Variants in GPR157 observed in about 807,000 individuals in gnomAD.
GPR157 encodes G protein-coupled receptor 157.
Under a neutral mutation model 23.5 loss-of-function variants are expected in GPR157, and 16 were observed. The ratio of observed to expected loss-of-function variants is 0.68; its 90% confidence interval spans 0.46 to 1.04. The LOEUF (loss-of-function observed/expected upper bound fraction) is 1.04. Among genes scored for constraint, GPR157 ranks in the 50% least tolerant of loss-of-function variants. GPR157 has a pLI of 0.00. For missense variants in GPR157, 440 were observed against 460.7 expected (o/e 0.96, Z 0.41); for synonymous variants, 200 against 221.5 (o/e 0.90, Z 0.86).
chr1:9,111,025 G>A (rs914780792), intron 2 of GPR157: 5 of 549,452 alleles, frequency 9.1e-6, no homozygotes, highest in African/African-American at 7.6e-5. Flanking sequence ...GCTAAGCCTC[G>A]TTTCCTTATC....
intron 1 of GPR157, among the ~76,000 whole-genome samples, chr1:9,123,678 AAT>A (rs1256949659): frequency 1.7e-5 from 2 of 116,892 alleles, no homozygotes; most frequent in African/African-American, 6.9e-5. Flanking sequence ...TTTAATATTA[AAT>A]ATATATTTAA....
rs1319818482 is a variant in GPR157 at position 9,102,817 on chromosome 1, T to TG, written c.*1601_*1602insC. 6.6e-6 allele frequency: 1 copy of TG among 152,244 alleles called. No homozygotes were observed. The highest frequency in any genetic ancestry group is 2.4e-5 in the African/African-American group (1 of 41,468). 9.4% of individuals were successfully genotyped at this position (152,244 alleles called of 1,614,324 possible). A position where few individuals can be genotyped will look rare whatever the true frequency, so the allele number is the denominator to read the frequency against. On this transcript the variant is annotated 3_prime_UTR_variant, in exon 4 of 4. Coordinates refer to ENST00000377411, the MANE Select transcript of GPR157 (RefSeq NM_024980.5). ...TAAAAATAGAGATACAGGTGCTTAC[T>TG]TTCAATTCTTTTCTTTTAAATGTAA...
chr1:9,123,780 A>ATATTATATATATTTAATAT (rs1638906994), intron 1 of GPR157, among the ~76,000 whole-genome samples: 6 of 124,804 alleles, frequency 4.8e-5, no homozygotes, highest in Non-Finnish European at 9.8e-5. Flanking sequence ...TTAATATTAA[A>ATATTATATATATTTAATAT]TATATATTTA....
Position 9,105,462 on chromosome 1 carries a change from A to C in GPR157, c.792+24T>G. 1 of 1,523,308 alleles carries C rather than the reference A, an allele frequency of 6.6e-7. No homozygotes were observed. The highest frequency in any genetic ancestry group is 8.9e-7 in the Non-Finnish European group (1 of 1,128,666). The allele number at this position is 1,523,308 out of a possible 1,614,324, so 94.4% of individuals were successfully genotyped here. A position where few individuals can be genotyped will look rare whatever the true frequency, so the allele number is the denominator to read the frequency against. On this transcript the variant is annotated intron_variant, in intron 3 of 3. Coordinates refer to ENST00000377411, the MANE Select transcript of GPR157 (RefSeq NM_024980.5). The surrounding 1 kb of genome is among the most constrained non-coding windows in gnomAD (Gnocchi z 4.8). ...TGCCTCCTCTGGGGGCAGGGACGAC[A>C]AGGGCCAGGGAGGGCAGACCTACAT...
In GPR157 at chr1:9,118,351, A is replaced by C. The variant is rs538788724; in HGVS notation, c.384-6862T>G. ...GCAAGGTGGGGATGTGGGTTAGAGC[A>C]GGTGACCCATAAGGCCCCTCCTGTC... On this transcript the variant is annotated intron_variant, in intron 1 of 3. Transcript: ENST00000377411. The surrounding 1 kb of genome is among the most constrained non-coding windows in gnomAD (Gnocchi z 4.6). 5.3e-5 allele frequency among the ~76,000 whole-genome samples: 8 copies of C among 152,190 alleles called. 1 individual carries two copies. Among genetic ancestry groups the C allele is most frequent in the Non-Finnish European group, 1.2e-4 (8 of 67,992 alleles).
intron 1 of GPR157, among the ~76,000 whole-genome samples, chr1:9,123,192 T>TATATATATATATATATATATAA (rs1389305702): frequency 3.9e-5 from 5 of 127,202 alleles, no homozygotes; most frequent in African/African-American, 1.5e-4. Context: ...TATATATATA[T>TATATATATATATATATATATAA]AAATAAAATT....
intron 2 of GPR157, among the ~76,000 whole-genome samples, chr1:9,110,759 G>A (rs533324850): frequency 1.3e-5 from 2 of 152,218 alleles, no homozygotes; most frequent in African/African-American, 2.4e-5. Context: ...TCTGAATTCT[G>A]GAAACCCCTG....
At position 9,128,849 on chromosome 1, in the gene GPR157, G is replaced by A; in HGVS notation, c.179C>T (p.Ser60Leu). The A allele has an allele frequency of 1.3e-6, 2 of 1,595,794 alleles. No homozygotes were observed. The highest frequency in any genetic ancestry group is 1.7e-6 in the Non-Finnish European group (2 of 1,172,050). Residue 60 changes from serine (S) to leucine (L), a missense_variant, in exon 1 of 4, where the codon TCG becomes TTG. Physicochemically the swap from Ser to Leu is moderately radical, Grantham distance 145. Coordinates refer to ENST00000377411, the MANE Select transcript of GPR157 (RefSeq NM_024980.5). The surrounding 1 kb of genome is among the most constrained non-coding windows in gnomAD (Gnocchi z 6.3). ...CACTCCGTAGAAGTAGGAGGCGGCC[G>A]AGAGCAGGTCGGCCAGCGACAGGAA... is the stretch of plus-strand genomic sequence containing the variant. ...LLFLSLADLL[S>L]AASYFYGVLQ... is the part of the protein sequence containing the mutation.
chr1:9,126,047 C>G (rs1638957236), intron 1 of GPR157, among the ~76,000 whole-genome samples: 5 of 151,612 alleles, frequency 3.3e-5, no homozygotes, highest in Admixed American at 3.3e-4. Flanking sequence ...TCACTGCAAC[C>G]TCCACTTCCC....
At chr1:9,123,535 T>A (rs1486213994) in intron 1 of GPR157, among the ~76,000 whole-genome samples, 1 of 93,930 alleles carries the variant, frequency 1.1e-5, no homozygotes, top group Non-Finnish European at 1.8e-5. Flanking sequence ...AATATATATT[T>A]AAATATATCT....
At position 9,103,902 on chromosome 1, in the gene GPR157, T is replaced by C. The variant is rs1642600349; in HGVS notation, c.*517A>G. On this transcript the variant is annotated 3_prime_UTR_variant, in exon 4 of 4. Transcript: ENST00000377411. ...AACCTTCAACCTGGTGAATGGCAACTGGTTCCTCTGTTGAGCAAAGTCTCC... is the reference window on the plus strand; with the variant it reads ...AACCTTCAACCTGGTGAATGGCAACCGGTTCCTCTGTTGAGCAAAGTCTCC... 6.5e-6 allele frequency: 1 copy of C among 153,002 alleles called. No homozygotes were observed. The allele number at this position is 153,002 out of a possible 1,614,324, so 9.5% of individuals were successfully genotyped here.
rs1553173678 is a variant in GPR157, at chr1:9,100,645, CGGCTGCAGTACGTGTTAT to C, written c.*3756_*3773del. ...GGACGCTGAGCTGCGGACACCGTTCCGGCTGCAGTACGTGTTATGGCTGAGGTTACACTTGGGTGACTC... is the reference window on the plus strand; with the variant it reads ...GGACGCTGAGCTGCGGACACCGTTCCGGCTGAGGTTACACTTGGGTGACTC... On this transcript the variant is annotated 3_prime_UTR_variant, in exon 4 of 4. Transcript: ENST00000377411. The C allele has an allele frequency of 1.3e-5, 2 of 152,218 alleles. No individual in the cohort carries two copies. The highest frequency in any genetic ancestry group is 2.9e-5 in the Non-Finnish European group (2 of 68,050). 9.4% of individuals were successfully genotyped at this position (152,218 alleles called of 1,614,324 possible). A position where few individuals can be genotyped will look rare whatever the true frequency, so the allele number is the denominator to read the frequency against.
At position 9,102,393 on chromosome 1, in the gene GPR157, A is replaced by G. The variant is rs1642576759; in HGVS notation, c.*2026T>C. On this transcript the variant is annotated 3_prime_UTR_variant, in exon 4 of 4. Transcript: ENST00000377411. ...ACCACTGCACTCCAGCCTGGGCAATAGAGTGAGACTCCATCTCAAAAAAAA... is the reference window on the plus strand; with the variant it reads ...ACCACTGCACTCCAGCCTGGGCAATGGAGTGAGACTCCATCTCAAAAAAAA... The G allele has an allele frequency of 1.4e-5, 2 of 139,422 alleles. No homozygotes were observed. The highest frequency in any genetic ancestry group is 7.5e-5 in the Admixed American group (1 of 13,368). 8.6% of individuals were successfully genotyped at this position (139,422 alleles called of 1,614,324 possible).
rs72470183 is a variant in GPR157 at position 9,118,702 on chromosome 1, T to C, written c.384-7213A>G. Among the ~76,000 whole-genome samples the C allele has an allele frequency of 0.08, 12,193 of 152,058 alleles. 1,149 individuals carry two copies. The highest frequency in any genetic ancestry group is 0.28 in the East Asian group (1,430 of 5,164). On this transcript the variant is annotated intron_variant, in intron 1 of 3. Transcript: ENST00000377411. This position sits in a 1 kb window ranked among gnomAD's most constrained non-coding sequence, Gnocchi z 4.6. Reference sequence around the variant, plus strand: ...AAGAGGTGATTAAGTTAAAATGCAGTCATCAGAGTGGAACCTAACCTAACA... The same window carrying C: ...AAGAGGTGATTAAGTTAAAATGCAGCCATCAGAGTGGAACCTAACCTAACA...
At chr1:9,107,122 T>C (rs917822495) in intron 2 of GPR157, among the ~76,000 whole-genome samples, 2 of 152,134 alleles carry the variant, frequency 1.3e-5, no homozygotes, top group Non-Finnish European at 2.9e-5. Context: ...GGCTTATTGC[T>C]TATCATCGTC....
chr1:9,121,640 AAAAC>A (rs970780927), intron 1 of GPR157, among the ~76,000 whole-genome samples: 2 of 152,192 alleles, frequency 1.3e-5, no homozygotes, highest in Non-Finnish European at 2.9e-5. Context: ...ACTCCATCTC[AAAAC>A]AAACAAACAA....
intron 1 of GPR157, among the ~76,000 whole-genome samples, chr1:9,112,177 G>A (rs1327670132): frequency 6.6e-6 from 1 of 152,198 alleles, no homozygotes; most frequent in African/African-American, 2.4e-5. Flanking sequence ...ACCTGTCCAT[G>A]CTCGTGCAAA....
chr1:9,116,202 T>TTTATATTATATATATTATATATA (rs1490270024), intron 1 of GPR157, among the ~76,000 whole-genome samples: 1 of 15,694 alleles, frequency 6.4e-5, no homozygotes, highest in Non-Finnish European at 8.8e-5. Flanking sequence ...TATAATTATA[T>TTTATATTATATATATTATATATA]ATATAATTAT....
Position 9,105,754 on chromosome 1 carries a change from C to G in GPR157, c.598-74G>C, listed in dbSNP as rs1309580009. On this transcript the variant is annotated intron_variant, in intron 2 of 3. Transcript: ENST00000377411. This position sits in a 1 kb window ranked among gnomAD's most constrained non-coding sequence, Gnocchi z 4.8. ...CCACGTCCACCCAGGCTGCCCAGGT[C>G]TTCCCAGGGACTTGAACTAGCTCAG... The G allele has an allele frequency of 2.2e-6, 3 of 1,337,392 alleles. No homozygotes were observed. The highest frequency in any genetic ancestry group is 1.0e-6 in the Non-Finnish European group (1 of 968,424). The allele number at this position is 1,337,392 out of a possible 1,614,324, so 82.8% of individuals were successfully genotyped here. A position where few individuals can be genotyped will look rare whatever the true frequency, so the allele number is the denominator to read the frequency against.
Sources: allele counts gnomAD v4.1 joint callset (sites outside exome capture counted in the v4.1 genomes callset), GRCh38; gene constraint gnomAD v4.1.1; non-coding constraint Gnocchi (gnomAD v3.1); transcripts MANE v1.5; gene names NCBI Gene and HGNC (gene_info 2026-07-23, HGNC 2026-07-21).